Variants in GPR15 observed in about 807,000 individuals in gnomAD.
GPR15 encodes the protein brother of Bonzo.
In GPR15, 16 loss-of-function variants were observed where a neutral mutation model predicts 19.3. The observed-to-expected ratio is 0.83, with a 90% CI of 0.56 to 1.26. The LOEUF is 1.26. GPR15 is among the 50% of genes most tolerant of loss of function. The pLI is 0.00. For synonymous variants in GPR15, 170 were observed against 171.2 expected (o/e 0.99, Z 0.05); for missense variants, 458 against 429.4 (o/e 1.07, Z -0.59).
chr3:98,534,354 A>T lies in GPR15; in HGVS notation c.*1238A>T, dbSNP rs1412148065. Among the ~76,000 whole-genome samples, 2 of 152,140 alleles carry T rather than the reference A, an allele frequency of 1.3e-5. No homozygotes were observed. Among genetic ancestry groups the T allele is most frequent in the Admixed American group, 1.3e-4 (2 of 15,276 alleles). ...ATGTAATTAGTGGCAACCACAAAAGACTCTGCAGCAGCAAGCATGCTATTG... is the reference window on the plus strand; with the variant it reads ...ATGTAATTAGTGGCAACCACAAAAGTCTCTGCAGCAGCAAGCATGCTATTG... On this transcript the variant is annotated 3_prime_UTR_variant, in exon 1 of 1. Transcript: ENST00000284311.
At position 98,533,697 on chromosome 3, in the gene GPR15, T is replaced by C. The variant is rs551261582; in HGVS notation, c.*581T>C. Among the ~76,000 whole-genome samples the C allele has an allele frequency of 1.1e-4, 17 of 152,364 alleles. No individual in the cohort carries two copies. The highest frequency in any genetic ancestry group is 1.9e-4 in the Non-Finnish European group (13 of 68,038). On this transcript the variant is annotated 3_prime_UTR_variant, in exon 1 of 1. Coordinates refer to ENST00000284311, the MANE Select transcript of GPR15 (RefSeq NM_005290.4). ...AACATTGTGCTTCATCCTATGCCTA[T>C]TCACAATGGCTTTGGACTGGCAAAA...
Position 98,532,601 on chromosome 3 carries a change from C to A in GPR15, c.568C>A (p.Pro190Thr). Reference sequence around the variant, plus strand: ...ATACTGTGCAGAGAAAAAGGCAACTCCAATTAAACTCATATGGTCCCTGGT... The same window carrying A: ...ATACTGTGCAGAGAAAAAGGCAACTACAATTAAACTCATATGGTCCCTGGT... The part of the protein sequence containing the change: ...KPYCAEKKAT[P>T]IKLIWSLVAL... Residue 190 changes from proline to threonine, a missense_variant, in exon 1 of 1, where the codon CCA becomes ACA. By Grantham distance (38) the Pro-to-Thr change is conservative. Transcript: ENST00000284311. The A allele has an allele frequency of 6.2e-7, 1 of 1,614,146 alleles. No individual in the cohort carries two copies. Among genetic ancestry groups the A allele is most frequent in the African/African-American group, 1.3e-5 (1 of 75,014 alleles).
rs971264507 is a variant in GPR15, at chr3:98,534,208, C to T, written c.*1092C>T. Reference sequence around the variant, plus strand: ...AGTAGAAAATCTCTAACAAAGATCTCACTAGTATTTTATATATATTTTTTC... The same window carrying T: ...AGTAGAAAATCTCTAACAAAGATCTTACTAGTATTTTATATATATTTTTTC... On this transcript the variant is annotated 3_prime_UTR_variant, in exon 1 of 1. Coordinates refer to ENST00000284311, the MANE Select transcript of GPR15 (RefSeq NM_005290.4). Among the ~76,000 whole-genome samples, 10 of 152,092 alleles carry T rather than the reference C, an allele frequency of 6.6e-5. No homozygotes were observed. The highest frequency in any genetic ancestry group is 2.4e-4 in the African/African-American group (10 of 41,422).
Position 98,532,672 on chromosome 3 carries a change from C to A in GPR15, c.639C>A (p.Thr213=). The A allele has an allele frequency of 6.2e-7, 1 of 1,614,172 alleles. No homozygotes were observed. Among genetic ancestry groups the A allele is most frequent in the Non-Finnish European group, 8.5e-7 (1 of 1,180,036 alleles). ...TFFVPLLSIV[T]CYCCIARKLC... is the part of the protein sequence containing the mutation. ...TTGTCCCTTTGTTGAGCATTGTGAC[C>A]TGCTACTGTTGCATTGCAAGGAAGC... is the stretch of plus-strand genomic sequence containing the variant. Residue 213 remains threonine, a synonymous_variant, in exon 1 of 1, where the codon ACC becomes ACA. Coordinates refer to ENST00000284311, the MANE Select transcript of GPR15 (RefSeq NM_005290.4).
chr3:98,533,203 T>G lies in GPR15; in HGVS notation c.*87T>G. 2.2e-6 allele frequency: 3 copies of G among 1,342,770 alleles called. No individual in the cohort carries two copies. The highest frequency in any genetic ancestry group is 3.0e-6 in the Non-Finnish European group (3 of 992,858). 83.2% of individuals were successfully genotyped at this position (1,342,770 alleles called of 1,614,324 possible). On this transcript the variant is annotated 3_prime_UTR_variant, in exon 1 of 1. Coordinates refer to ENST00000284311, the MANE Select transcript of GPR15 (RefSeq NM_005290.4). ...AAGAAGGAAGTGTTAATGATAGGATTCACATTGCTTCATAGATGCAAGGAA... is the reference window on the plus strand; with the variant it reads ...AAGAAGGAAGTGTTAATGATAGGATGCACATTGCTTCATAGATGCAAGGAA...
rs1274858706 is a variant in GPR15, at chr3:98,534,165, T to C, written c.*1049T>C. 6.6e-6 allele frequency among the ~76,000 whole-genome samples: 1 copy of C among 152,208 alleles called. No homozygotes were observed. The highest frequency in any genetic ancestry group is 1.5e-5 in the Non-Finnish European group (1 of 68,014). ...GATCCAGTAATATAGGGAGACAGGCTGCTCTGTATTCAGCCAAAGTAGAAA... is the reference window on the plus strand; with the variant it reads ...GATCCAGTAATATAGGGAGACAGGCCGCTCTGTATTCAGCCAAAGTAGAAA... On this transcript the variant is annotated 3_prime_UTR_variant, in exon 1 of 1. Coordinates refer to ENST00000284311, the MANE Select transcript of GPR15 (RefSeq NM_005290.4).
Position 98,532,233 on chromosome 3 carries a change from T to C in GPR15, c.200T>C (p.Leu67Pro). Residue 67 changes from leucine (L) to proline (P), a missense_variant, in exon 1 of 1, where the codon CTG (leucine) becomes CCG (proline). Leu to Pro is a moderately conservative substitution (Grantham distance 98). Transcript: ENST00000284311. The part of the protein sequence containing the change: ...ALHFKPGSRR[L>P]IDIFIINLAA... Reference sequence around the variant, plus strand: ...CATTTCAAACCCGGCAGCCGAAGACTGATCGACATCTTTATCATCAATCTG... The same window carrying C: ...CATTTCAAACCCGGCAGCCGAAGACCGATCGACATCTTTATCATCAATCTG... 6.2e-7 allele frequency: 1 copy of C among 1,614,210 alleles called. No homozygotes were observed. Among genetic ancestry groups the C allele is most frequent in the Non-Finnish European group, 8.5e-7 (1 of 1,180,030 alleles).
In GPR15 at chr3:98,532,796, C is replaced by A. The variant is rs781674243; in HGVS notation, c.763C>A (p.Leu255Met). The A allele has an allele frequency of 6.2e-7, 1 of 1,613,996 alleles. No individual in the cohort carries two copies. Among genetic ancestry groups the A allele is most frequent in the Non-Finnish European group, 8.5e-7 (1 of 1,179,934 alleles). The change falls in exon 1 of 1, where the codon CTG becomes ATG. Residue 255 changes from leucine (L) to methionine (M), a missense_variant. Leu to Met is a conservative substitution (Grantham distance 15, BLOSUM62 2). Coordinates refer to ENST00000284311, the MANE Select transcript of GPR15 (RefSeq NM_005290.4). ...CGTGGCAGCCTTTCTTGTCTCCTGG[C>A]TGCCCTTCAATACTTTCAAGTTCCT... ...IVVAAFLVSW[L>M]PFNTFKFLAI...
At position 98,533,360 on chromosome 3, in the gene GPR15, A is replaced by T. The variant is rs917131903; in HGVS notation, c.*244A>T. Among the ~76,000 whole-genome samples the T allele has an allele frequency of 6.6e-6, 1 of 152,118 alleles. No individual in the cohort carries two copies. The highest frequency in any genetic ancestry group is 6.6e-5 in the Admixed American group (1 of 15,256). ...GTCCACCAGACAAAATCCAATTCCC[A>T]TCTGTCCTTGAACTCCTGGATAAAG... On this transcript the variant is annotated 3_prime_UTR_variant, in exon 1 of 1. Coordinates refer to ENST00000284311, the MANE Select transcript of GPR15 (RefSeq NM_005290.4).
rs1258261170 is a variant in GPR15 at position 98,533,387 on chromosome 3, C to T, written c.*271C>T. On this transcript the variant is annotated 3_prime_UTR_variant, in exon 1 of 1. Coordinates refer to ENST00000284311, the MANE Select transcript of GPR15 (RefSeq NM_005290.4). ...CTGTCCTTGAACTCCTGGATAAAGG[C>T]TCCTGCTTGAACCAGTCCCTTTCTT... is the stretch of plus-strand genomic sequence containing the variant. 1.3e-5 allele frequency among the ~76,000 whole-genome samples: 2 copies of T among 152,104 alleles called. No individual in the cohort carries two copies. The highest frequency in any genetic ancestry group is 2.9e-5 in the Non-Finnish European group (2 of 68,022).
rs144516732 is a variant in GPR15 at position 98,532,333 on chromosome 3, G to T, written c.300G>T (p.Arg100Ser). 3.7e-5 allele frequency: 60 copies of T among 1,614,036 alleles called. No individual in the cohort carries two copies. The highest frequency in any genetic ancestry group is 4.7e-5 in the Non-Finnish European group (56 of 1,180,026). ...VDKEASLGLWRTGSFLCKGSS... is the reference protein window; with the variant it reads ...VDKEASLGLWSTGSFLCKGSS... ...AAGAAGCATCTCTAGGACTGTGGAGGACGGGCTCCTTCCTGTGCAAAGGGA... is the reference window on the plus strand; with the variant it reads ...AAGAAGCATCTCTAGGACTGTGGAGTACGGGCTCCTTCCTGTGCAAAGGGA... Residue 100 changes from arginine (R) to serine (S), a missense_variant, in exon 1 of 1, where the codon AGG (arginine) becomes AGT (serine). Arg to Ser is a moderately radical substitution (Grantham distance 110, BLOSUM62 -1). Transcript: ENST00000284311.
In GPR15 at chr3:98,532,707, AT is replaced by A. The variant is rs774041916; in HGVS notation, c.676del (p.Tyr226ThrfsTer11). ...YCCIARKLCA[H>X]YQQSGKHNKK... ...TGCATTGCAAGGAAGCTGTGTGCCC[AT>A]TACCAGCAATCAGGAAAGCACAACA... On this transcript the variant is annotated frameshift_variant, in exon 1 of 1. Transcript: ENST00000284311. LOFTEE classifies it high-confidence loss of function. The A allele has an allele frequency of 6.2e-7, 1 of 1,614,082 alleles. No homozygotes were observed. Among genetic ancestry groups the A allele is most frequent in the Non-Finnish European group, 8.5e-7 (1 of 1,179,990 alleles).
In GPR15 at chr3:98,532,847, G is replaced by A. The variant is rs765197769; in HGVS notation, c.814G>A (p.Glu272Lys). The A allele has an allele frequency of 3.1e-6, 5 of 1,614,008 alleles. No homozygotes were observed. The East Asian group carries it at 1.1e-4, about 36-fold the overall frequency. Residue 272 changes from glutamate (E) to lysine (K), a missense_variant, in exon 1 of 1, where the codon GAA (glutamate) becomes AAA (lysine). Coordinates refer to ENST00000284311, the MANE Select transcript of GPR15 (RefSeq NM_005290.4). ...FLAIVSGLRQEHYLPSAILQL... is the reference protein window; with the variant it reads ...FLAIVSGLRQKHYLPSAILQL... Reference sequence around the variant, plus strand: ...GGCCATTGTCTCTGGGTTGCGGCAAGAACACTATTTACCCTCAGCTATTCT... The same window carrying A: ...GGCCATTGTCTCTGGGTTGCGGCAAAAACACTATTTACCCTCAGCTATTCT...
Position 98,532,936 on chromosome 3 carries a change from T to A in GPR15, c.903T>A (p.Ile301=), listed in dbSNP as rs773467706. 1 of 1,614,096 alleles carries A rather than the reference T, an allele frequency of 6.2e-7. No homozygotes were observed. The highest frequency in any genetic ancestry group is 8.5e-7 in the Non-Finnish European group (1 of 1,180,008). The stretch of plus-strand genomic sequence containing the variant: ...CCAACAGCTGTGTCAACCCTTTCAT[T>A]TACTATATCTTCGACAGCTACATCC... ...AFANSCVNPF[I]YYIFDSYIRR... The change falls in exon 1 of 1, where the codon ATT becomes ATA. Residue 301 remains isoleucine, a synonymous_variant. Transcript: ENST00000284311.
Position 98,533,142 on chromosome 3 carries a change from G to T in GPR15, c.*26G>T. ...AGGGAACTGTGACATTTCAAGCTCT[G>T]TTGGTGGGTTTAGGAGTTAATTTTT... is the stretch of plus-strand genomic sequence containing the variant. On this transcript the variant is annotated 3_prime_UTR_variant, in exon 1 of 1. Transcript: ENST00000284311. 6.4e-7 allele frequency: 1 copy of T among 1,573,180 alleles called. No homozygotes were observed. Among genetic ancestry groups the T allele is most frequent in the South Asian group, 1.2e-5 (1 of 85,734 alleles).
At position 98,533,308 on chromosome 3, in the gene GPR15, C is replaced by T. The variant is rs755823267; in HGVS notation, c.*192C>T. On this transcript the variant is annotated 3_prime_UTR_variant, in exon 1 of 1. Coordinates refer to ENST00000284311, the MANE Select transcript of GPR15 (RefSeq NM_005290.4). ...GCCATGTGCTGTTTTCTCAGCTAAG[C>T]AGCCTTCTTCGACCCTTGCCAATCA... 6.6e-6 allele frequency among the ~76,000 whole-genome samples: 1 copy of T among 152,160 alleles called. No homozygotes were observed. Among genetic ancestry groups the T allele is most frequent in the Non-Finnish European group, 1.5e-5 (1 of 68,040 alleles).
At position 98,532,481 on chromosome 3, in the gene GPR15, G is replaced by A; in HGVS notation, c.448G>A (p.Ala150Thr). The A allele has an allele frequency of 6.2e-7, 1 of 1,614,074 alleles. No homozygotes were observed. Among genetic ancestry groups the A allele is most frequent in the Non-Finnish European group, 8.5e-7 (1 of 1,179,966 alleles). The change falls in exon 1 of 1, where the codon GCA becomes ACA. Residue 150 changes from alanine (A) to threonine (T), a missense_variant. Ala to Thr is a moderately conservative substitution (Grantham distance 58). Transcript: ENST00000284311. ...VSRKFRRTDC[A>T]YVVCASIWFI... The stretch of plus-strand genomic sequence containing the variant: ...CAGGAAATTCAGAAGGACAGACTGT[G>A]CATATGTAGTCTGTGCCAGCATCTG...
Position 98,532,488 on chromosome 3 carries a change from T to C in GPR15, c.455T>C (p.Val152Ala). The change falls in exon 1 of 1, where the codon GTA becomes GCA. Residue 152 changes from valine to alanine, a missense_variant. Physicochemically the swap from Val to Ala is moderately conservative, Grantham distance 64 (BLOSUM62 0). Coordinates refer to ENST00000284311, the MANE Select transcript of GPR15 (RefSeq NM_005290.4). ...TTCAGAAGGACAGACTGTGCATATGTAGTCTGTGCCAGCATCTGGTTTATC... is the reference window on the plus strand; with the variant it reads ...TTCAGAAGGACAGACTGTGCATATGCAGTCTGTGCCAGCATCTGGTTTATC... ...RKFRRTDCAY[V>A]VCASIWFISC... 6.2e-7 allele frequency: 1 copy of C among 1,614,182 alleles called. No individual in the cohort carries two copies. The highest frequency in any genetic ancestry group is 8.5e-7 in the Non-Finnish European group (1 of 1,179,984).
rs1706661444 is a variant in GPR15 at position 98,532,910 on chromosome 3, G to T, written c.877G>T (p.Ala293Ser). ...GGAGGTGAGTGGACCCTTGGCATTT[G>T]CCAACAGCTGTGTCAACCCTTTCAT... Reference protein sequence around the residue: ...GMEVSGPLAFANSCVNPFIYY... With the variant: ...GMEVSGPLAFSNSCVNPFIYY... The change falls in exon 1 of 1, where the codon GCC becomes TCC. Residue 293 changes from alanine to serine, a missense_variant. Coordinates refer to ENST00000284311, the MANE Select transcript of GPR15 (RefSeq NM_005290.4). The T allele has an allele frequency of 3.7e-6, 6 of 1,614,098 alleles. No individual in the cohort carries two copies. Among genetic ancestry groups the T allele is most frequent in the Non-Finnish European group, 5.1e-6 (6 of 1,180,026 alleles).
Sources: allele counts gnomAD v4.1 joint callset (sites outside exome capture counted in the v4.1 genomes callset), GRCh38; gene constraint gnomAD v4.1.1; transcripts MANE v1.5; gene names NCBI Gene and HGNC (gene_info 2026-07-23, HGNC 2026-07-21).